Variants in SLC2A7 observed in about 807,000 individuals in gnomAD.
The protein encoded by SLC2A7 is solute carrier family 2 member 7.
SLC2A7 carries 50 observed loss-of-function variants against 50.5 expected under a neutral mutation model. That is an observed-to-expected ratio of 0.99 (90% CI 0.79 to 1.25). The LOEUF (loss-of-function observed/expected upper bound fraction) is 1.25. Among genes scored for constraint, SLC2A7 ranks in the 50% most tolerant of loss-of-function variants. SLC2A7 has a pLI of 0.00. For synonymous variants in SLC2A7, 308 were observed against 300.4 expected, an observed-to-expected ratio of 1.03 and a Z score of -0.26; for missense variants, 683 against 679.1, an observed-to-expected ratio of 1.01 and a Z score of -0.06.
chr1:9,023,835 CTTCTTTTTTTTTTTTTTTTTTTTTTTT>C (rs1474205208), intron 2 of SLC2A7, among the ~76,000 whole-genome samples: 1 of 65,982 alleles, frequency 1.5e-5, no homozygotes, highest in South Asian at 6.7e-4. Flanking sequence ...AAATATTCTT[CTTCTTTTTTTTTTTTTTTTTTTTTTTT>C]TTTTTTTTTT....
At chr1:9,013,674 AC>A (rs767338711) in intron 7 of SLC2A7, 39 bp from the exon 8 acceptor site, 11 of 1,563,914 alleles carry the variant, frequency 7.0e-6, no homozygotes, top group South Asian at 1.1e-5. Context: ...AGGCCGGAAG[AC>A]CCAGGACGCT....
chr1:9,012,023 T>C (rs574975344), intron 8 of SLC2A7, among the ~76,000 whole-genome samples: 66 of 152,228 alleles, frequency 4.3e-4, no homozygotes, highest in Admixed American at 2.8e-3. Context: ...GTGCAGGAAT[T>C]ACAGGCATGA....
At chr1:9,012,005 C>T (rs1640757653) in intron 8 of SLC2A7, among the ~76,000 whole-genome samples, 1 of 152,100 alleles carries the variant, frequency 6.6e-6, no homozygotes, top group South Asian at 2.1e-4. Context: ...CCGCCTCAAC[C>T]TCCCAAAGTG....
At chr1:8,993,908 T>C in the SLC2A7 span, among the ~76,000 whole-genome samples, 3 of 152,236 alleles carry the variant, frequency 2.0e-5, no homozygotes, top group African/African-American at 7.2e-5. Flanking sequence ...ATTACAGGCA[T>C]GAGCCACAGC....
chr1:8,998,078 C>T (rs1569771634), downstream of SLC2A7, among the ~76,000 whole-genome samples: 2 of 152,096 alleles, frequency 1.3e-5, no homozygotes, highest in South Asian at 2.1e-4. Flanking sequence ...GATATGCTGT[C>T]CTTTCACCAC....
In SLC2A7 at chr1:9,003,312, T is replaced by C; in HGVS notation, c.1527A>G (p.Glu509=). The stretch of plus-strand genomic sequence containing the variant: ...TCATGCAGGGCCACTAAAAGGAAGT[T>C]TCCTTGGCAGGAGAGGCTGTGGGAG... ...AGPPTASPAK[E]TSF The change falls in exon 12 of 12, where the codon GAA becomes GAG. Residue 509 remains glutamate (E), a synonymous_variant. Coordinates refer to ENST00000400906, the MANE Select transcript of SLC2A7 (RefSeq NM_207420.3). 1 of 1,614,188 alleles carries C rather than the reference T, an allele frequency of 6.2e-7. No homozygotes were observed. Among genetic ancestry groups the C allele is most frequent in the South Asian group, 1.1e-5 (1 of 91,082 alleles).
At chr1:9,024,917 T>G in intron 2 of SLC2A7, 59 bp downstream of exon 2, 1 of 1,581,994 alleles carries the variant, frequency 6.3e-7, no homozygotes, top group Non-Finnish European at 8.7e-7. Context: ...GCGGCTACCT[T>G]CCACCCACGA....
At chr1:9,013,677 C>G in intron 7 of SLC2A7, 42 bp from the exon 8 acceptor site, 1 of 1,556,032 alleles carries the variant, frequency 6.4e-7, no homozygotes, top group Non-Finnish European at 8.8e-7. Flanking sequence ...CCGGAAGACC[C>G]AGGACGCTGG....
rs372820076 is a variant in SLC2A7, at chr1:9,018,099, C to G, written c.589+124G>C. ...CCACGTCACCCATCCCTTTGCCCAC[C>G]ACACTGCCCAACACCTGACCCTAAA... On this transcript the variant is annotated intron_variant, in intron 5 of 11. Coordinates refer to ENST00000400906, the MANE Select transcript of SLC2A7 (RefSeq NM_207420.3). 8.9e-6 allele frequency: 12 copies of G among 1,341,700 alleles called. No individual in the cohort carries two copies. The East Asian group carries it at 2.5e-4, about 28-fold the overall frequency. 83.1% of individuals were successfully genotyped at this position (1,341,700 alleles called of 1,614,324 possible).
At chr1:8,998,816 TTATAA>T (rs947762178), downstream of SLC2A7, among the ~76,000 whole-genome samples, 11 of 152,336 alleles carry the variant, frequency 7.2e-5, no homozygotes, top group South Asian at 2.1e-4. Context: ...ATTATTATCC[TTATAA>T]TATATTATTG....
intron 1 of SLC2A7, 26 bp from the exon 2 acceptor site, chr1:9,025,100 G>T (rs1428282904): frequency 1.2e-6 from 2 of 1,610,918 alleles, no homozygotes; most frequent in South Asian, 1.1e-5. Context: ...CCAAGGTCGG[G>T]ACGCTGTGGG....
chr1:8,996,647 G>T, the SLC2A7 span, among the ~76,000 whole-genome samples: 1 of 152,192 alleles, frequency 6.6e-6, no homozygotes, highest in Non-Finnish European at 1.5e-5. Flanking sequence ...ACCAGCCGTG[G>T]ACCCGCGTTC....
intron 8 of SLC2A7, 81 bp from the exon 9 acceptor site, chr1:9,010,325 G>A (rs370617867): frequency 2.3e-5 from 26 of 1,150,854 alleles, no homozygotes; most frequent in East Asian, 1.3e-4. Flanking sequence ...TTCCTTTTGT[G>A]GGCCCCTCTT....
At chr1:9,006,756 G>T (rs1238305070) in intron 10 of SLC2A7, among the ~76,000 whole-genome samples, 2 of 152,194 alleles carry the variant, frequency 1.3e-5, no homozygotes, top group Non-Finnish European at 2.9e-5. Flanking sequence ...CTTTTCCCAG[G>T]CAGGGAGAAG....
rs1265862726 is a variant in SLC2A7 at position 9,010,171 on chromosome 1, A to T, written c.1088T>A (p.Leu363Gln). 12 of 1,552,364 alleles carry T rather than the reference A, an allele frequency of 7.7e-6. No homozygotes were observed. The highest frequency in any genetic ancestry group is 9.6e-6 in the Non-Finnish European group (11 of 1,147,440). Residue 363 changes from leucine (L) to glutamine (Q), a missense_variant, in exon 9 of 12, where the codon CTG becomes CAG. Transcript: ENST00000400906. ...GAATAGGAGCACCACCGTCAGCACC[A>T]GGCAGGCAGAGCCGCAGATGCCGTA... Reference protein sequence around the residue: ...AGYGICGSACLVLTVVLLFQN... With the variant: ...AGYGICGSACQVLTVVLLFQN...
At chr1:9,026,197 C>G in intron 1 of SLC2A7, 98 bp downstream of exon 1, 1 of 1,331,584 alleles carries the variant, frequency 7.5e-7, no homozygotes, top group Non-Finnish European at 1.1e-6. Flanking sequence ...ACGCTACCCG[C>G]TCCTTGCTAA....
Position 9,003,504 on chromosome 1 carries a change from G to A in SLC2A7, c.1335C>T (p.Ala445=). Residue 445 remains alanine (A), a synonymous_variant, in exon 12 of 12, where the codon GCC becomes GCT. Coordinates refer to ENST00000400906, the MANE Select transcript of SLC2A7 (RefSeq NM_207420.3). The part of the protein sequence containing the change: ...LFPSIQEAIG[A]YSFIIFAGIC... Reference sequence around the variant, plus strand: ...TTCCGGCAAAGATGATGAAACTGTAGGCACCGATGGCCTCCTAGACCAGGA... The same window carrying A: ...TTCCGGCAAAGATGATGAAACTGTAAGCACCGATGGCCTCCTAGACCAGGA... 1 of 1,614,190 alleles carries A rather than the reference G, an allele frequency of 6.2e-7. No homozygotes were observed. Among genetic ancestry groups the A allele is most frequent in the Non-Finnish European group, 8.5e-7 (1 of 1,180,026 alleles).
At chr1:8,996,304 C>T in the SLC2A7 span, among the ~76,000 whole-genome samples, 8 of 152,310 alleles carry the variant, frequency 5.3e-5, no homozygotes, top group East Asian at 1.5e-3. Flanking sequence ...TTCTCCTTTC[C>T]CTCGGCAGAA....
chr1:8,992,800 C>T, the SLC2A7 span, among the ~76,000 whole-genome samples: 1 of 152,158 alleles, frequency 6.6e-6, no homozygotes, highest in Non-Finnish European at 1.5e-5. Flanking sequence ...GTCTGTGGGC[C>T]TTGCCCTCAG....
Sources: allele counts gnomAD v4.1 joint callset (sites outside exome capture counted in the v4.1 genomes callset), GRCh38; gene constraint gnomAD v4.1.1; transcripts MANE v1.5; gene names NCBI Gene and HGNC (gene_info 2026-07-23, HGNC 2026-07-21).